GRIK4: variants seen among roughly 807,000 people sequenced by gnomAD.
The protein encoded by GRIK4 is glutamate receptor ionotropic, kainate 4.
GRIK4 carries 40 observed loss-of-function variants against 104.9 expected under a neutral mutation model. That is an observed-to-expected ratio of 0.38 (90% CI 0.30 to 0.50). The LOEUF (loss-of-function observed/expected upper bound fraction) is 0.50. GRIK4 is among the 20% of genes least tolerant of loss of function. GRIK4 has a pLI of 0.93. For missense variants in GRIK4, 1,047 were observed against 1,308.1 expected, an observed-to-expected ratio of 0.80 and a Z score of 3.08; for synonymous variants, 485 against 524.9, an observed-to-expected ratio of 0.92 and a Z score of 1.04.
intron 3 of GRIK4, among the ~76,000 whole-genome samples, chr11:120,668,410 C>G (rs571087194): frequency 6.6e-6 from 1 of 151,460 alleles, no homozygotes; most frequent in Non-Finnish European, 1.5e-5. Context: ...GAAAAGAAAA[C>G]AAAAAGGAAA....
chr11:120,929,234 C>T (rs183254130), intron 13 of GRIK4, among the ~76,000 whole-genome samples: 2 of 152,212 alleles, frequency 1.3e-5, no homozygotes, highest in Admixed American at 6.5e-5. Context: ...GTCTCCAGCC[C>T]GCGGCGGGTG....
intron 1 of GRIK4, among the ~76,000 whole-genome samples, chr11:120,530,747 C>T (rs1221735296): frequency 6.6e-6 from 1 of 152,004 alleles, no homozygotes; most frequent in Non-Finnish European, 1.5e-5. Context: ...AACCAAGGGG[C>T]CTGCTACAGG....
rs76403519 is a variant in GRIK4 at position 120,688,700 on chromosome 11, G to A, written c.82+28300G>A. Reference sequence around the variant, plus strand: ...CAATATGGAGATCTGCATGAGAGCCGAAAATAATTAATCACATTTTAATGG... The same window carrying A: ...CAATATGGAGATCTGCATGAGAGCCAAAAATAATTAATCACATTTTAATGG... On this transcript the variant is annotated intron_variant, in intron 3 of 20. Coordinates refer to ENST00000527524, the MANE Select transcript of GRIK4 (RefSeq NM_014619.5). Among the ~76,000 whole-genome samples the A allele has an allele frequency of 1.8e-3, 275 of 152,312 alleles. 1 individual carries two copies. The highest frequency in any genetic ancestry group is 6.3e-3 in the African/African-American group (262 of 41,576).
intron 8 of GRIK4, among the ~76,000 whole-genome samples, chr11:120,852,557 C>G (rs1953998179): frequency 6.6e-6 from 1 of 152,190 alleles, no homozygotes; most frequent in African/African-American, 2.4e-5. Context: ...GAATAGGAAA[C>G]ATGCAGGGAG....
At chr11:120,755,039 A>C (rs1327617556) in intron 3 of GRIK4, among the ~76,000 whole-genome samples, 1 of 152,228 alleles carries the variant, frequency 6.6e-6, no homozygotes, top group African/African-American at 2.4e-5. Flanking sequence ...AAACGATGTC[A>C]GTGTTAATTA....
At chr11:120,589,464 A>G (rs1461963647) in intron 1 of GRIK4, among the ~76,000 whole-genome samples, 1 of 151,754 alleles carries the variant, frequency 6.6e-6, no homozygotes, top group Non-Finnish European at 1.5e-5. Context: ...AAGCTTGGGA[A>G]CTCCTGCTAG....
chr11:120,974,721 C>T (rs557267673), intron 19 of GRIK4, among the ~76,000 whole-genome samples: 31 of 152,282 alleles, frequency 2.0e-4, no homozygotes, highest in Middle Eastern at 3.4e-3. Flanking sequence ...CCTTCGCTTC[C>T]TCGCCCCCTC....
chr11:120,755,281 G>A (rs1252751615), intron 3 of GRIK4, among the ~76,000 whole-genome samples: 2 of 152,100 alleles, frequency 1.3e-5, no homozygotes, highest in African/African-American at 2.4e-5. Flanking sequence ...GCAGAGCCAG[G>A]TGCTCAGGGA....
chr11:120,525,242 A>T (rs530666510), intron 1 of GRIK4, among the ~76,000 whole-genome samples: 2 of 152,204 alleles, frequency 1.3e-5, no homozygotes, highest in South Asian at 4.1e-4. Flanking sequence ...CTCATTTCAC[A>T]AGTGAGGGCA....
intron 7 of GRIK4, among the ~76,000 whole-genome samples, chr11:120,834,291 T>TGTGC (rs1953514758): frequency 1.3e-5 from 2 of 151,926 alleles, no homozygotes; most frequent in Admixed American, 1.3e-4. Flanking sequence ...TGTGTGTGTG[T>TGTGC]GTGTGTGTGG....
intron 1 of GRIK4, among the ~76,000 whole-genome samples, chr11:120,553,546 C>A (rs1028162201): frequency 2.0e-5 from 3 of 152,166 alleles, no homozygotes; most frequent in Non-Finnish European, 4.4e-5. Context: ...GGAACTTGAC[C>A]TGGGCCTGGA....
At chr11:120,593,203 G>A (rs371698623) in intron 1 of GRIK4, among the ~76,000 whole-genome samples, 7 of 137,988 alleles carry the variant, frequency 5.1e-5, no homozygotes, top group African/African-American at 1.6e-4. Flanking sequence ...AAAAAAAGCC[G>A]CCTGCAGTTG....
At chr11:120,626,629 A>G (rs1657382697) in intron 1 of GRIK4, among the ~76,000 whole-genome samples, 1 of 152,146 alleles carries the variant, frequency 6.6e-6, no homozygotes, top group Non-Finnish European at 1.5e-5. Context: ...TGCTTTCCCC[A>G]GGGAACAGTA....
chr11:120,948,648 A>G (rs1353433030), intron 14 of GRIK4, among the ~76,000 whole-genome samples: 1 of 152,238 alleles, frequency 6.6e-6, no homozygotes, highest in Non-Finnish European at 1.5e-5. Context: ...GTAGCCAGAT[A>G]GCATTCTTCC....
At chr11:120,922,715 G>C (rs1462770623) in intron 13 of GRIK4, among the ~76,000 whole-genome samples, 1 of 152,208 alleles carries the variant, frequency 6.6e-6, no homozygotes, top group Non-Finnish European at 1.5e-5. Context: ...GTGAGAGCCA[G>C]GCCTGGCTTA....
chr11:120,680,351 A>G (rs61902681), intron 3 of GRIK4, among the ~76,000 whole-genome samples: 69,378 of 151,680 alleles, frequency 0.46, 16,180 homozygotes, highest in East Asian at 0.55. Context: ...GTGCTCCCTA[A>G]GTATTACAGA....
At chr11:120,602,087 T>G (rs1948895479) in intron 1 of GRIK4, among the ~76,000 whole-genome samples, 1 of 152,076 alleles carries the variant, frequency 6.6e-6, no homozygotes. Flanking sequence ...ACCCCGGGGC[T>G]GCCTTCCCCG....
chr11:120,540,401 A>G (rs920635416), intron 1 of GRIK4, among the ~76,000 whole-genome samples: 1 of 150,554 alleles, frequency 6.6e-6, no homozygotes, highest in African/African-American at 2.4e-5. Flanking sequence ...GGGGCGAATC[A>G]CTTGAGGTCA....
intron 1 of GRIK4, among the ~76,000 whole-genome samples, chr11:120,570,808 C>T (rs575821779): frequency 6.6e-6 from 1 of 152,160 alleles, no homozygotes; most frequent in African/African-American, 2.4e-5. Flanking sequence ...TCCCATCTGA[C>T]ACCTTCCCCT....
Sources: allele counts gnomAD v4.1 joint callset (sites outside exome capture counted in the v4.1 genomes callset), GRCh38; gene constraint gnomAD v4.1.1; transcripts MANE v1.5; gene names NCBI Gene and HGNC (gene_info 2026-07-23, HGNC 2026-07-21).